ZFHX3: variants seen among roughly 807,000 people sequenced by gnomAD.
ZFHX3 encodes the protein zinc finger homeobox 3, also known as zinc finger homeobox protein 3.
ZFHX3 carries 42 observed loss-of-function variants against 279.1 expected under a neutral mutation model. The ratio of observed to expected loss-of-function variants is 0.15; its 90% CI spans 0.12 to 0.19. ZFHX3 has a LOEUF of 0.19. Ranked by LOEUF, ZFHX3 falls within the 10% of genes least tolerant of loss-of-function variation. The pLI is 1.00. For synonymous variants in ZFHX3, 2,293 were observed against 1,957.8 expected, an observed-to-expected ratio of 1.17 and a Z score of -4.52; for missense variants, 4,981 against 4,754.0, an observed-to-expected ratio of 1.05 and a Z score of -1.40.
rs1346520626 is a variant in ZFHX3, at chr16:72,795,175, G to A, written c.7507C>T (p.Gln2503Ter). 1 of 1,609,816 alleles carries A rather than the reference G, an allele frequency of 6.2e-7. No individual in the cohort carries two copies. Among genetic ancestry groups the A allele is most frequent in the Non-Finnish European group, 8.5e-7 (1 of 1,177,582 alleles). The change falls in exon 9 of 10, where the codon CAG (glutamine) becomes TAG (stop). Residue 2503 changes from glutamine to a stop codon, truncating the protein, a stop_gained. Coordinates refer to ENST00000268489, the MANE Select transcript of ZFHX3 (RefSeq NM_006885.4). LOFTEE classifies it high-confidence loss of function. ...PLPQSSPSPSQLSHLPLKPLH... is the reference protein window; with the variant it reads ...PLPQSSPSPS ...GGCTTGAGGGGCAGGTGGGAGAGCT[G>A]GGAAGGACTGGGGCTCGACTGGGGT...
chr16:73,264,119 A>G (rs1449802045), intron 4 of ZFHX3, among the ~76,000 whole-genome samples: 2 of 152,202 alleles, frequency 1.3e-5, no homozygotes, highest in African/African-American at 4.8e-5. Context: ...GTGAGCTGAG[A>G]TCATACCACT....
chr16:73,198,941 G>C (rs574963549), intron 5 of ZFHX3, among the ~76,000 whole-genome samples: 8 of 152,286 alleles, frequency 5.3e-5, no homozygotes, highest in African/African-American at 1.9e-4. Flanking sequence ...AATGACATTG[G>C]ATGTCATTTT....
At chr16:73,045,640 C>CATTATTAATT (rs1555545006) in intron 1 of ZFHX3, among the ~76,000 whole-genome samples, 1 of 143,000 alleles carries the variant, frequency 7.0e-6, no homozygotes, top group Non-Finnish European at 1.5e-5. Flanking sequence ...CATGGATTTA[C>CATTATTAATT]ATTATTATTA....
At chr16:73,729,457 C>G (rs764283648) in intron 1 of ZFHX3, among the ~76,000 whole-genome samples, 1 of 151,778 alleles carries the variant, frequency 6.6e-6, no homozygotes, top group Non-Finnish European at 1.5e-5. Context: ...TGAACCTGGG[C>G]GGCAGAGGCT....
chr16:73,636,375 A>G (rs1300979678), intron 2 of ZFHX3, among the ~76,000 whole-genome samples: 1 of 152,238 alleles, frequency 6.6e-6, no homozygotes, highest in African/African-American at 2.4e-5. Flanking sequence ...TGTATTACTA[A>G]TATTCAACTT....
intron 1 of ZFHX3, among the ~76,000 whole-genome samples, chr16:73,847,296 C>T (rs763465364): frequency 7.9e-5 from 12 of 152,128 alleles, no homozygotes; most frequent in Non-Finnish European, 1.6e-4. Context: ...AGGGCAACTT[C>T]ATCTCAAAAA....
intron 5 of ZFHX3, among the ~76,000 whole-genome samples, chr16:73,236,670 A>G (rs1035174743): frequency 6.6e-6 from 1 of 152,198 alleles, no homozygotes; most frequent in Admixed American, 6.5e-5. Flanking sequence ...AAGCTTAAAT[A>G]TCTAAAAAGA....
intron 8 of ZFHX3, among the ~76,000 whole-genome samples, chr16:73,091,966 G>A (rs1318566435): frequency 1.3e-5 from 2 of 152,286 alleles, no homozygotes; most frequent in East Asian, 1.9e-4. Context: ...TGGTTCTGCC[G>A]ATATATTAGC....
chr16:72,790,005 T>G (rs552314921), intron 9 of ZFHX3: 1 of 152,492 alleles, frequency 6.6e-6, no homozygotes, highest in African/African-American at 2.4e-5. Context: ...CAGGCCCTCA[T>G]GGGCTAGAAT....
intron 1 of ZFHX3, among the ~76,000 whole-genome samples, chr16:73,019,850 T>G (rs1964240431): frequency 1.3e-5 from 2 of 152,206 alleles, no homozygotes. Flanking sequence ...TGTTTATTTG[T>G]TTAGCCCACT....
At chr16:72,903,303 G>C (rs2039086130) in intron 3 of ZFHX3, among the ~76,000 whole-genome samples, 1 of 152,140 alleles carries the variant, frequency 6.6e-6, no homozygotes, top group African/African-American at 2.4e-5. Flanking sequence ...CACCCTCTGG[G>C]AATGTCAGAT....
At chr16:73,032,624 G>C (rs983997775) in intron 1 of ZFHX3, among the ~76,000 whole-genome samples, 2 of 151,878 alleles carry the variant, frequency 1.3e-5, no homozygotes, top group Non-Finnish European at 2.9e-5. Flanking sequence ...TCAACTTTCA[G>C]TCCTACAGAT....
chr16:72,817,418 A>G (rs1392290200), intron 5 of ZFHX3, among the ~76,000 whole-genome samples: 1 of 152,218 alleles, frequency 6.6e-6, no homozygotes, highest in Non-Finnish European at 1.5e-5. Flanking sequence ...CTGCTTCATC[A>G]AAGATAAGCC....
rs150665653 is a variant in ZFHX3, at chr16:73,813,254, T to C, written c.-1608+78397A>G. ...TTCTCTCTCTCTCTCTCTCTCTCTCTCTGTTAAGTTAATGTTTGGACAAGA... is the reference window on the plus strand; with the variant it reads ...TTCTCTCTCTCTCTCTCTCTCTCTCCCTGTTAAGTTAATGTTTGGACAAGA... On this transcript the variant is annotated intron_variant, in intron 1 of 17. Coordinates refer to the ZFHX3 transcript ENST00000641206. 3.3e-5 allele frequency among the ~76,000 whole-genome samples: 5 copies of C among 149,616 alleles called. No individual in the cohort carries two copies. In the East Asian group the frequency reaches 9.7e-4, roughly 29 times the overall value.
rs1171783781 is a variant in ZFHX3, at chr16:73,589,727, C to A, written c.-1547+90453G>T. ...CCAGCCTGGGTGACAGAGCGAGACTCCGTCTCAAAAAAAAAAAAAAAAAAA... is the reference window on the plus strand; with the variant it reads ...CCAGCCTGGGTGACAGAGCGAGACTACGTCTCAAAAAAAAAAAAAAAAAAA... On this transcript the variant is annotated intron_variant, in intron 2 of 17. Transcript: ENST00000641206. Among the ~76,000 whole-genome samples the A allele has an allele frequency of 4.3e-4, 25 of 57,478 alleles. 2 individuals carry two copies. In the South Asian group the frequency reaches 6.0e-3, roughly 14 times the overall value. The allele number at this position is 57,478 out of a possible 152,430, so 37.7% of individuals were successfully genotyped here.
intron 4 of ZFHX3, among the ~76,000 whole-genome samples, chr16:73,305,792 C>T (rs888534916): frequency 5.3e-5 from 8 of 152,148 alleles, no homozygotes; most frequent in Non-Finnish European, 7.3e-5. Context: ...GATATGTTAA[C>T]ATCTCATGAT....
intron 1 of ZFHX3, among the ~76,000 whole-genome samples, chr16:73,001,713 A>G (rs1255725008): frequency 6.6e-6 from 1 of 151,990 alleles, no homozygotes; most frequent in Non-Finnish European, 1.5e-5. Flanking sequence ...CCAGCTATTC[A>G]GGAGGCTGAG....
intron 1 of ZFHX3, among the ~76,000 whole-genome samples, chr16:73,736,300 C>A (rs1298827109): frequency 6.6e-6 from 1 of 152,192 alleles, no homozygotes; most frequent in East Asian, 1.9e-4. Context: ...GATGCAGGGG[C>A]AGCAGCCTGC....
At position 72,950,740 on chromosome 16, in the gene ZFHX3, TCCC is replaced by T. The variant is rs781517893; in HGVS notation, c.2942_2944del (p.Gly981del). The T allele has an allele frequency of 3.3e-5, 53 of 1,613,812 alleles. No individual in the cohort carries two copies. The highest frequency in any genetic ancestry group is 4.5e-5 in the Non-Finnish European group (53 of 1,179,998). ...GCGGCAGAGCTTGCACTGGTATGAG[TCCC>T]CCATCACCGCCTTCCACTCGTCCTC... On this transcript the variant is annotated inframe_deletion, in exon 3 of 10. Coordinates refer to ENST00000268489, the MANE Select transcript of ZFHX3 (RefSeq NM_006885.4).
Sources: allele counts gnomAD v4.1 joint callset (sites outside exome capture counted in the v4.1 genomes callset), GRCh38; gene constraint gnomAD v4.1.1; transcripts MANE v1.5; gene names NCBI Gene and HGNC (gene_info 2026-07-23, HGNC 2026-07-21).